The following CPS1 variants were observed in gnomAD, a reference collection of about 807,000 sequenced individuals.
The protein encoded by CPS1 is carbamoyl-phosphate synthase [ammonia], mitochondrial.
In CPS1, 109 loss-of-function variants were observed where a neutral mutation model predicts 174.6. The ratio of observed to expected loss-of-function variants is 0.62; its 90% CI spans 0.53 to 0.73. CPS1 has a LOEUF of 0.73. Among genes scored for constraint, CPS1 ranks in the 30% least tolerant of loss-of-function variants. The pLI, the probability that CPS1 is intolerant of heterozygous loss-of-function variation, is 0.00. For missense variants in CPS1, 1,689 were observed against 1,821.9 expected (o/e 0.93, Z 1.33); for synonymous variants, 637 against 632.0 (o/e 1.01, Z -0.12).
intron 27 of CPS1, 117 bp from the exon 28 acceptor site, chr2:210,650,246 G>A: frequency 1.2e-6 from 1 of 813,108 alleles, no homozygotes; most frequent in Non-Finnish European, 2.1e-6. Flanking sequence ...TTTAGCAAGA[G>A]GCACCTTCTT....
At chr2:210,562,744 T>C (rs987984374) in intron 1 of CPS1, among the ~76,000 whole-genome samples, 1 of 152,172 alleles carries the variant, frequency 6.6e-6, no homozygotes, top group African/African-American at 2.4e-5. Flanking sequence ...ATGTGGGGCC[T>C]CTACTTTTTC....
intron 21 of CPS1, among the ~76,000 whole-genome samples, chr2:210,626,387 G>T (rs767083738): frequency 6.6e-6 from 1 of 152,052 alleles, no homozygotes; most frequent in Non-Finnish European, 1.5e-5. Flanking sequence ...ATGATTCCTG[G>T]TTGTTCAAAG....
intron 1 of CPS1, among the ~76,000 whole-genome samples, chr2:210,512,819 G>GGAGATATATATATATGGAGAGAGAGAT: frequency 9.5e-6 from 1 of 104,792 alleles, no homozygotes; most frequent in African/African-American, 4.1e-5. Context: ...GAGAGAGAGA[G>GGAGATATATATATATGGAGAGAGAGAT]ATATATATAT....
At chr2:210,600,393 T>C (rs1280283452) in intron 14 of CPS1, among the ~76,000 whole-genome samples, 162 bp from the exon 15 acceptor site, 1 of 151,918 alleles carries the variant, frequency 6.6e-6, no homozygotes, top group Non-Finnish European at 1.5e-5. Flanking sequence ...CAGACCGTCT[T>C]CAGAATTTTT....
At chr2:210,590,521 G>A (rs747316613) in intron 8 of CPS1, among the ~76,000 whole-genome samples, 6 of 151,902 alleles carry the variant, frequency 3.9e-5, no homozygotes, top group Non-Finnish European at 8.8e-5. Context: ...GTTTTAAACC[G>A]ACAACTCATG....
At chr2:210,483,448 C>G (rs915034230) in intron 1 of CPS1, among the ~76,000 whole-genome samples, 19 of 152,216 alleles carry the variant, frequency 1.2e-4, no homozygotes, top group Non-Finnish European at 2.4e-4. Context: ...ATAGTTATCT[C>G]ACTGTTCCAA....
intron 12 of CPS1, 49 bp downstream of exon 12, chr2:210,594,655 T>C: frequency 7.4e-7 from 1 of 1,344,296 alleles, no homozygotes; most frequent in Non-Finnish European, 1.1e-6. Flanking sequence ...ATTGTCCCTA[T>C]CACATGAAGA....
At chr2:210,589,339 C>T (rs1698210486) in intron 7 of CPS1, among the ~76,000 whole-genome samples, 1 of 152,038 alleles carries the variant, frequency 6.6e-6, no homozygotes, top group Non-Finnish European at 1.5e-5. Context: ...CTCAAAGACA[C>T]CTTCCTATGT....
rs1388922423 is a variant in CPS1, at chr2:210,591,580, C to A, written c.948-251C>A. Among the ~76,000 whole-genome samples, 5 of 152,028 alleles carry A rather than the reference C, an allele frequency of 3.3e-5. No homozygotes were observed. The South Asian group carries it at 1.0e-3, about 31-fold the overall frequency. On this transcript the variant is annotated intron_variant, in intron 9 of 37. Coordinates refer to ENST00000233072, the MANE Select transcript of CPS1 (RefSeq NM_001875.5). Reference sequence around the variant, plus strand: ...TTTTTGTTATGAGTGCAATGCCCCCCTTTCTAAAACCGATTATAGAATTTA... The same window carrying A: ...TTTTTGTTATGAGTGCAATGCCCCCATTTCTAAAACCGATTATAGAATTTA...
chr2:210,513,776 G>C (rs1437710669), intron 1 of CPS1, among the ~76,000 whole-genome samples: 1 of 152,134 alleles, frequency 6.6e-6, no homozygotes, highest in African/African-American at 2.4e-5. Context: ...CCAATGTCCA[G>C]AATGGTGTTT....
At chr2:210,584,131 T>C (rs916050622) in intron 6 of CPS1, among the ~76,000 whole-genome samples, 4 of 152,122 alleles carry the variant, frequency 2.6e-5, no homozygotes, top group African/African-American at 9.7e-5. Flanking sequence ...AAGGAAGAAT[T>C]GCTACCTTCT....
At chr2:210,653,044 T>C (rs1323846329) in intron 28 of CPS1, among the ~76,000 whole-genome samples, 2 of 151,664 alleles carry the variant, frequency 1.3e-5, no homozygotes, top group African/African-American at 4.9e-5. Context: ...TCAGAAGGAG[T>C]TTGTGTTCAG....
At position 210,494,731 on chromosome 2, in the gene CPS1, T is replaced by C. The variant is rs557367520; in HGVS notation, c.3+16965T>C. ...TTGTGTGCACAAGCTGTCTCCTTTT[T>C]GTAGTGAGCTCTGTTTTGTCTTACA... On this transcript the variant is annotated intron_variant, in intron 1 of 38. Transcript: ENST00000430249. 8.5e-5 allele frequency among the ~76,000 whole-genome samples: 13 copies of C among 152,232 alleles called. 1 individual carries two copies. The highest frequency in any genetic ancestry group is 3.1e-4 in the African/African-American group (13 of 41,468).
intron 1 of CPS1, among the ~76,000 whole-genome samples, chr2:210,497,431 G>T (rs1021916413): frequency 1.7e-4 from 26 of 151,976 alleles, no homozygotes; most frequent in African/African-American, 6.3e-4. Flanking sequence ...GGGGTAATGA[G>T]CAGGTTTGTT....
chr2:210,534,171 G>A (rs901831064), intron 1 of CPS1, among the ~76,000 whole-genome samples: 2 of 152,182 alleles, frequency 1.3e-5, no homozygotes, highest in Non-Finnish European at 2.9e-5. Flanking sequence ...GGGGAAATAA[G>A]CAGTGTTTCG....
intron 1 of CPS1, among the ~76,000 whole-genome samples, chr2:210,495,587 G>A (rs928429809): frequency 2.0e-5 from 3 of 152,140 alleles, no homozygotes; most frequent in African/African-American, 7.2e-5. Flanking sequence ...GCAGACTGCA[G>A]TTTTTTCCTG....
At chr2:210,561,891 C>T (rs1168424769) in intron 1 of CPS1, among the ~76,000 whole-genome samples, 1 of 152,066 alleles carries the variant, frequency 6.6e-6, no homozygotes, top group African/African-American at 2.4e-5. Context: ...AGGGAGGTAA[C>T]TGACTAATTT....
In CPS1 at chr2:210,486,153, CACACA is replaced by C. The variant is rs1559731090; in HGVS notation, c.3+8388_3+8392del. Among the ~76,000 whole-genome samples, 260 of 128,398 alleles carry C rather than the reference CACACA, an allele frequency of 2.0e-3. 1 individual carries two copies. The highest frequency in any genetic ancestry group is 4.6e-3 in the African/African-American group (126 of 27,664). 84.2% of individuals were successfully genotyped at this position (128,398 alleles called of 152,430 possible). On this transcript the variant is annotated intron_variant, in intron 1 of 38. Transcript: ENST00000430249. ...ACACACACACACACACACACACACA[CACACA>C]CCCTGTATATATATATATGGTAATG...
chr2:210,662,072 C>T (rs1432003883), intron 32 of CPS1, among the ~76,000 whole-genome samples: 4 of 151,492 alleles, frequency 2.6e-5, no homozygotes, highest in Admixed American at 1.3e-4. Flanking sequence ...CATGCCACCA[C>T]GCCCAGCTAA....
Sources: allele counts gnomAD v4.1 joint callset (sites outside exome capture counted in the v4.1 genomes callset), GRCh38; gene constraint gnomAD v4.1.1; transcripts MANE v1.5; gene names NCBI Gene and HGNC (gene_info 2026-07-23, HGNC 2026-07-21).